The following NRXN3 variants were observed in gnomAD, a reference collection of about 807,000 sequenced individuals.
The protein encoded by NRXN3 is neurexin III.
Under a neutral mutation model 137.6 loss-of-function variants are expected in NRXN3, and 32 were observed. The observed-to-expected ratio is 0.23, with a 90% confidence interval of 0.18 to 0.31. NRXN3 has a LOEUF of 0.31. Ranked by LOEUF, NRXN3 falls within the 10% of genes least tolerant of loss-of-function variation. NRXN3 has a pLI of 1.00. For missense variants in NRXN3, 1,574 were observed against 2,062.5 expected, an observed-to-expected ratio of 0.76 and a Z score of 4.59; for synonymous variants, 798 against 784.5, an observed-to-expected ratio of 1.02 and a Z score of -0.29.
At chr14:79,542,915 A>G (rs1052179038) in intron 16 of NRXN3, among the ~76,000 whole-genome samples, 3 of 152,010 alleles carry the variant, frequency 2.0e-5, no homozygotes, top group Non-Finnish European at 4.4e-5. Flanking sequence ...AAAGTTTGAT[A>G]TAACTAGTAG....
At chr14:79,506,194 A>G (rs1168200732) in intron 16 of NRXN3, among the ~76,000 whole-genome samples, 2 of 152,178 alleles carry the variant, frequency 1.3e-5, no homozygotes, top group Admixed American at 1.3e-4. Context: ...GGTCTCATAT[A>G]CATTCAAGGG....
chr14:79,083,362 C>G (rs2047435881), intron 15 of NRXN3, among the ~76,000 whole-genome samples: 1 of 152,124 alleles, frequency 6.6e-6, no homozygotes. Context: ...AGCAATGGGT[C>G]TTGTACATTC....
At chr14:78,444,993 C>T (rs185694327) in intron 4 of NRXN3, among the ~76,000 whole-genome samples, 1 of 136,638 alleles carries the variant, frequency 7.3e-6, no homozygotes, top group African/African-American at 2.7e-5. Flanking sequence ...ATATTTAATA[C>T]AAGGCAGGTT....
In NRXN3 at chr14:79,861,147, C is replaced by T; in HGVS notation, c.4094-195C>T. The T allele has an allele frequency of 6.8e-7, 1 of 1,467,016 alleles. No individual in the cohort carries two copies. Among genetic ancestry groups the T allele is most frequent in the Non-Finnish European group, 9.0e-7 (1 of 1,109,466 alleles). The allele number at this position is 1,467,016 out of a possible 1,614,324, so 90.9% of individuals were successfully genotyped here. ...CCCCCTACCTTTCGCCCCCTCCTCA[C>T]CATTATTGAGACCACCAAAGATTCC... On this transcript the variant is annotated intron_variant, in intron 20 of 20. Coordinates refer to ENST00000335750, the MANE Select transcript of NRXN3 (RefSeq NM_001330195.2). This position sits in a 1 kb window ranked among gnomAD's most constrained non-coding sequence, Gnocchi z 5.4.
At chr14:79,771,328 A>C (rs2099077606) in intron 19 of NRXN3, among the ~76,000 whole-genome samples, 1 of 152,216 alleles carries the variant, frequency 6.6e-6, no homozygotes, top group East Asian at 1.9e-4. Context: ...ACCAAAAAAG[A>C]GAATTTTAGA....
intron 15 of NRXN3, among the ~76,000 whole-genome samples, chr14:79,114,744 AATCAAAC>A: frequency 6.6e-6 from 1 of 152,168 alleles, no homozygotes; most frequent in Non-Finnish European, 1.5e-5. Flanking sequence ...CTCAGGCTGG[AATCAAAC>A]TCCTGGGCTC....
intron 12 of NRXN3, 101 bp from the exon 13 acceptor site, chr14:78,967,107 G>T: frequency 1.1e-6 from 1 of 923,530 alleles, no homozygotes; most frequent in Non-Finnish European, 1.6e-6. Flanking sequence ...TGCCAGTTTA[G>T]CATGGGGGAT....
chr14:78,922,549 A>G (rs2099273749), intron 10 of NRXN3, among the ~76,000 whole-genome samples: 1 of 152,188 alleles, frequency 6.6e-6, no homozygotes, highest in Admixed American at 6.5e-5. Context: ...TGAATATGCT[A>G]TATTATTATT....
chr14:79,399,521 G>C lies in NRXN3; in HGVS notation c.3263-67700G>C, dbSNP rs889744062. On this transcript the variant is annotated intron_variant, in intron 15 of 20. Transcript: ENST00000335750. ...AGAATATTGGAGAGCAATTAGATGT[G>C]GTCTCTGACTCCAGGGGTCTACAAA... is the stretch of plus-strand genomic sequence containing the variant. Among the ~76,000 whole-genome samples the C allele has an allele frequency of 2.6e-5, 4 of 152,090 alleles. No homozygotes were observed. In the South Asian group the frequency reaches 6.2e-4, roughly 24 times the overall value.
intron 4 of NRXN3, among the ~76,000 whole-genome samples, chr14:78,445,012 A>C (rs902784150): frequency 6.6e-6 from 1 of 151,578 alleles, no homozygotes; most frequent in Non-Finnish European, 1.5e-5. Flanking sequence ...TTGTAAGTTT[A>C]AGTGAGTATA....
At chr14:78,773,621 G>A (rs1016283960) in intron 8 of NRXN3, among the ~76,000 whole-genome samples, 2 of 151,776 alleles carry the variant, frequency 1.3e-5, no homozygotes, top group African/African-American at 4.8e-5. Flanking sequence ...AAATTAAGTT[G>A]CGTTCAATAG....
At position 79,079,454 on chromosome 14, in the gene NRXN3, A is replaced by C. The variant is rs989772648; in HGVS notation, c.3262+91313A>C. 5.3e-5 allele frequency among the ~76,000 whole-genome samples: 8 copies of C among 152,210 alleles called. No individual in the cohort carries two copies. The South Asian group carries it at 6.2e-4, about 12-fold the overall frequency. ...AAGTGTATATTCTATGGTGTAGTAA[A>C]TCATTACCTTACTATATTAGGTTAA... On this transcript the variant is annotated intron_variant, in intron 15 of 20. Coordinates refer to ENST00000335750, the MANE Select transcript of NRXN3 (RefSeq NM_001330195.2).
rs185776837 is a variant in NRXN3 at position 79,225,482 on chromosome 14, G to A, written c.3262+237341G>A. 3.5e-4 allele frequency among the ~76,000 whole-genome samples: 54 copies of A among 152,138 alleles called. 1 individual carries two copies. In the East Asian group the frequency reaches 9.1e-3, roughly 26 times the overall value. On this transcript the variant is annotated intron_variant, in intron 15 of 20. Coordinates refer to ENST00000335750, the MANE Select transcript of NRXN3 (RefSeq NM_001330195.2). ...CCCAGGAATTATCATGGAACAACTG[G>A]CTTATGTCTTAGTTTCCTATCACTG...
chr14:78,505,539 A>T (rs2095971199), intron 4 of NRXN3, among the ~76,000 whole-genome samples: 1 of 152,120 alleles, frequency 6.6e-6, no homozygotes, highest in Non-Finnish European at 1.5e-5. Flanking sequence ...GCAAATTTCA[A>T]ATGTCTTACT....
chr14:78,778,826 CTTCT>C (rs1256041014), intron 8 of NRXN3, among the ~76,000 whole-genome samples: 1 of 72,358 alleles, frequency 1.4e-5, no homozygotes, highest in African/African-American at 4.9e-5. Context: ...CTTTCTTTTC[CTTCT>C]TTCTTTTTTC....
intron 15 of NRXN3, among the ~76,000 whole-genome samples, chr14:79,213,950 C>G (rs1008645741): frequency 6.6e-6 from 1 of 152,146 alleles, no homozygotes; most frequent in Non-Finnish European, 1.5e-5. Context: ...GTCATACAGA[C>G]GTGTTTTTAT....
intron 4 of NRXN3, among the ~76,000 whole-genome samples, chr14:78,473,103 T>A (rs2095310315): frequency 6.6e-6 from 1 of 152,002 alleles, no homozygotes; most frequent in Admixed American, 6.6e-5. Context: ...CAAGGCTCTT[T>A]AAAAGAAAAA....
At chr14:79,374,236 C>T (rs940526640) in intron 15 of NRXN3, among the ~76,000 whole-genome samples, 1 of 151,956 alleles carries the variant, frequency 6.6e-6, no homozygotes, top group Non-Finnish European at 1.5e-5. Context: ...CATAAGCTCC[C>T]GTAATTAACT....
intron 4 of NRXN3, among the ~76,000 whole-genome samples, chr14:78,389,056 CT>C (rs5809885): frequency 0.73 from 98,883 of 135,512 alleles, 35,331 homozygotes; most frequent in African/African-American, 0.83. Context: ...GTTTAAGTTT[CT>C]TTTTTTTTTT....
Sources: gnomAD v4.1 joint callset for allele counts (sites outside exome capture counted in the v4.1 genomes callset) on GRCh38, gnomAD v4.1.1 for gene constraint, Gnocchi (gnomAD v3.1) non-coding constraint, MANE v1.5 for transcripts, NCBI Gene and HGNC (gene_info 2026-07-23, HGNC 2026-07-21) for gene names.